Variants in CCNI observed in about 807,000 individuals in gnomAD.
The protein encoded by CCNI is cyclin I.
CCNI carries 14 observed loss-of-function variants against 34.1 expected under a neutral mutation model. The ratio of observed to expected loss-of-function variants is 0.41; its 90% CI spans 0.27 to 0.64. The LOEUF (loss-of-function observed/expected upper bound fraction) is 0.64. CCNI is among the 30% of genes least tolerant of loss of function. The pLI, the probability that CCNI is intolerant of heterozygous loss-of-function variation, is 0.31. For missense variants in CCNI, 385 were observed against 440.5 expected (o/e 0.87, Z 1.13); for synonymous variants, 154 against 158.4 (o/e 0.97, Z 0.21).
chr4:77,056,227 T>C, intron 4 of CCNI, 22 bp downstream of exon 4: 1 of 1,605,948 alleles, frequency 6.2e-7, no homozygotes, highest in Admixed American at 1.7e-5. Flanking sequence ...GGAAGAAACA[T>C]TATCTTGAAA....
intron 2 of CCNI, among the ~76,000 whole-genome samples, chr4:77,060,475 TGA>T (rs1363195457): frequency 1.3e-5 from 2 of 152,182 alleles, no homozygotes; most frequent in Non-Finnish European, 2.9e-5. Flanking sequence ...ATATACTTTT[TGA>T]GACAGGGTCT....
intron 2 of CCNI, among the ~76,000 whole-genome samples, chr4:77,061,466 G>A (rs1728599847): frequency 6.6e-6 from 1 of 152,028 alleles, no homozygotes; most frequent in African/African-American, 2.4e-5. Flanking sequence ...AATTTATAAT[G>A]GATTGATCAA....
At chr4:77,061,864 T>G (rs1482504125) in intron 2 of CCNI, among the ~76,000 whole-genome samples, 1 of 152,010 alleles carries the variant, frequency 6.6e-6, no homozygotes, top group East Asian at 1.9e-4. Context: ...AGAGACGGGG[T>G]TTCACCATGT....
At chr4:77,057,635 T>C (rs891339107) in intron 3 of CCNI, among the ~76,000 whole-genome samples, 6 of 152,238 alleles carry the variant, frequency 3.9e-5, no homozygotes, top group African/African-American at 1.2e-4. Flanking sequence ...TTAAATATGT[T>C]GAGGGCCTAT....
Position 77,048,478 on chromosome 4 carries a change from T to C in CCNI, c.875A>G (p.Asp292Gly). ...GACTGGCACTTCTGGCTTGCTGTTG[T>C]CCTTGGAGAAGTCTGGGCCTGGGAC... ...SSVPGPDFSK[D>G]NSKPEVPVRG... Residue 292 changes from aspartate to glycine, a missense_variant, in exon 7 of 7, where the codon GAC becomes GGC. Asp to Gly is a moderately conservative substitution (Grantham distance 94). Around this residue, in one of 2 missense-constraint regions of CCNI, gnomAD observed 250 missense variants for 248.7 expected, o/e 1.01. Transcript: ENST00000237654. 6.2e-7 allele frequency: 1 copy of C among 1,614,138 alleles called. No individual in the cohort carries two copies. The highest frequency in any genetic ancestry group is 8.5e-7 in the Non-Finnish European group (1 of 1,180,014).
intron 6 of CCNI, among the ~76,000 whole-genome samples, chr4:77,053,104 G>A (rs993859468): frequency 1.3e-5 from 2 of 152,130 alleles, no homozygotes; most frequent in Non-Finnish European, 2.9e-5. Flanking sequence ...AAGGGAAAAC[G>A]CTATGTTGAG....
intron 3 of CCNI, among the ~76,000 whole-genome samples, chr4:77,058,029 G>C (rs987200541): frequency 9.9e-5 from 15 of 152,162 alleles, no homozygotes; most frequent in Non-Finnish European, 2.2e-4. Flanking sequence ...AATACTATTA[G>C]AAACACTTCC....
Position 77,055,261 on chromosome 4 carries a change from T to A in CCNI, c.579A>T (p.Gln193His), listed in dbSNP as rs1728137571. The A allele has an allele frequency of 6.2e-7, 1 of 1,614,124 alleles. No homozygotes were observed. ...GCATGGATCCTCTGAATTGCAGAAG[T>A]TGGTTGCAGGCCATACAGTGAAGTA... ...KQLLHCMACN[Q>H]LLQFRGSMLA... Residue 193 changes from glutamine (Q) to histidine (H), a missense_variant, in exon 6 of 7, where the codon CAA (glutamine) becomes CAT (histidine). Around this residue, in one of 2 missense-constraint regions of CCNI, gnomAD observed 250 missense variants for 248.7 expected, o/e 1.01. Coordinates refer to ENST00000237654, the MANE Select transcript of CCNI (RefSeq NM_006835.3).
intron 4 of CCNI, 33 bp from the exon 5 acceptor site, chr4:77,056,135 GA>G: frequency 1.2e-6 from 2 of 1,605,746 alleles, no homozygotes; most frequent in Non-Finnish European, 1.7e-6. Flanking sequence ...GGGACAGGGA[GA>G]AAAGGACAGA....
At chr4:77,063,347 A>T (rs956045079) in intron 2 of CCNI, among the ~76,000 whole-genome samples, 1,576 of 82,382 alleles carry the variant, frequency 0.019, 37 homozygotes, top group African/African-American at 0.064. Context: ...AGGGAGGTAA[A>T]AAAAAAAAAA....
At chr4:77,061,445 A>C (rs1031945212) in intron 2 of CCNI, among the ~76,000 whole-genome samples, 1 of 152,216 alleles carries the variant, frequency 6.6e-6, no homozygotes, top group African/African-American at 2.4e-5. Context: ...TGAACAAATA[A>C]TCCTAAAGAG....
At chr4:77,061,826 C>A (rs917651778) in intron 2 of CCNI, among the ~76,000 whole-genome samples, 1 of 152,156 alleles carries the variant, frequency 6.6e-6, no homozygotes, top group African/African-American at 2.4e-5. Context: ...CCCGCCACCA[C>A]ACCCAGCTAA....
intron 1 of CCNI, among the ~76,000 whole-genome samples, chr4:77,068,875 T>TTA (rs1351013011): frequency 2.0e-5 from 3 of 152,202 alleles, no homozygotes; most frequent in African/African-American, 7.2e-5. Context: ...CTTCTCAACT[T>TTA]ACTAGAGACT....
chr4:77,049,069 C>T (rs1167851048), intron 6 of CCNI, among the ~76,000 whole-genome samples: 1 of 136,892 alleles, frequency 7.3e-6, no homozygotes, highest in Non-Finnish European at 1.5e-5. Context: ...GTCCAAAGTA[C>T]TCATAAACAC....
chr4:77,070,036 A>G lies in CCNI; in HGVS notation c.-43-3631T>C, dbSNP rs1171263514. Among the ~76,000 whole-genome samples, 19 of 110,726 alleles carry G rather than the reference A, an allele frequency of 1.7e-4. No homozygotes were observed. In the South Asian group the frequency reaches 5.4e-3, roughly 32 times the overall value. The allele number at this position is 110,726 out of a possible 152,430, so 72.6% of individuals were successfully genotyped here. On this transcript the variant is annotated intron_variant, in intron 1 of 6. Coordinates refer to ENST00000237654, the MANE Select transcript of CCNI (RefSeq NM_006835.3). ...CATGGGCTTTTTTTTTTTTTTTTTG[A>G]GACAAGAGTCTCACTCTGTTGCCCA...
intron 1 of CCNI, among the ~76,000 whole-genome samples, chr4:77,073,352 G>T (rs1729636663): frequency 6.6e-6 from 1 of 152,138 alleles, no homozygotes; most frequent in Non-Finnish European, 1.5e-5. Context: ...AGGGCCCCCT[G>T]CTCCTCTGAG....
intron 1 of CCNI, among the ~76,000 whole-genome samples, chr4:77,069,814 CTTTT>C (rs573707910): frequency 6.6e-6 from 1 of 151,686 alleles, no homozygotes; most frequent in Non-Finnish European, 1.5e-5. Context: ...TTGGTACCTT[CTTTT>C]TTTTGATACA....
At chr4:77,053,329 G>A (rs916570640) in intron 6 of CCNI, among the ~76,000 whole-genome samples, 36 of 152,118 alleles carry the variant, frequency 2.4e-4, no homozygotes, top group African/African-American at 8.2e-4. Flanking sequence ...GCTCTACACG[G>A]CTCTAAGAAA....
In CCNI at chr4:77,048,396, G is replaced by A. The variant is rs746064191; in HGVS notation, c.957C>T (p.Thr319=). 2.5e-6 allele frequency: 4 copies of A among 1,614,078 alleles called. No homozygotes were observed. In the South Asian group the frequency reaches 4.4e-5, roughly 18 times the overall value. Residue 319 remains threonine (T), a synonymous_variant, in exon 7 of 7, where the codon ACC becomes ACT. Transcript: ENST00000237654. ...TTTCCTCTACTTTGCGTTTAGTAGAGGTCTGCTTGCACCCACTGGCAGCTG... is the reference window on the plus strand; with the variant it reads ...TTTCCTCTACTTTGCGTTTAGTAGAAGTCTGCTTGCACCCACTGGCAGCTG... ...HLPAASGCKQ[T]STKRKVEEME...
Sources: allele counts gnomAD v4.1 joint callset (sites outside exome capture counted in the v4.1 genomes callset), GRCh38; gene constraint gnomAD v4.1.1; regional missense constraint gnomAD v4.1.1; transcripts MANE v1.5; gene names NCBI Gene and HGNC (gene_info 2026-07-23, HGNC 2026-07-21).